UST: variants seen among roughly 807,000 people sequenced by gnomAD.
The protein encoded by UST is chondroitin sulfate 2-O-sulfotransferase.
In UST, 21 loss-of-function variants were observed where a neutral mutation model predicts 45.6. The ratio of observed to expected loss-of-function variants is 0.46; its 90% confidence interval spans 0.33 to 0.66. The LOEUF (loss-of-function observed/expected upper bound fraction) is 0.66. Among genes scored for constraint, UST ranks in the 30% least tolerant of loss-of-function variants. UST has a pLI of 0.02. For missense variants in UST, 463 were observed against 512.4 expected, an observed-to-expected ratio of 0.90 and a Z score of 0.93; for synonymous variants, 215 against 200.6, an observed-to-expected ratio of 1.07 and a Z score of -0.61.
chr6:148,985,387 A>AAAC (rs140686403), intron 5 of UST, among the ~76,000 whole-genome samples: 19 of 151,586 alleles, frequency 1.3e-4, no homozygotes, highest in Admixed American at 3.3e-4. Context: ...CTTTGAAGCA[A>AAAC]AACAACAACA....
At chr6:149,027,380 T>C (rs1776065034) in intron 7 of UST, among the ~76,000 whole-genome samples, 1 of 152,234 alleles carries the variant, frequency 6.6e-6, no homozygotes, top group East Asian at 1.9e-4. Context: ...TCTAGTTCTT[T>C]GTCTGCCATG....
chr6:149,040,860 T>C (rs1171454850), intron 7 of UST, among the ~76,000 whole-genome samples: 1 of 152,104 alleles, frequency 6.6e-6, no homozygotes, highest in Non-Finnish European at 1.5e-5. Flanking sequence ...TCTGTTTCCA[T>C]GATCTGAATG....
At chr6:149,000,112 AG>A (rs1276869064) in intron 5 of UST, among the ~76,000 whole-genome samples, 1 of 152,218 alleles carries the variant, frequency 6.6e-6, no homozygotes, top group African/African-American at 2.4e-5. Context: ...CAAGAGGGCC[AG>A]ACCAGGCTCA....
chr6:149,032,715 T>G (rs9498195), intron 7 of UST: 5,189 of 152,650 alleles, frequency 0.034, 280 homozygotes, highest in African/African-American at 0.12. Flanking sequence ...GTCCCAACCT[T>G]GGCCTCGGGA....
At chr6:149,073,251 A>G (rs539662551) in intron 7 of UST, among the ~76,000 whole-genome samples, 130 of 152,382 alleles carry the variant, frequency 8.5e-4, no homozygotes, top group Non-Finnish European at 1.5e-3. Context: ...GTCTGGGTAC[A>G]TGGTGAGAAC....
chr6:148,827,170 G>A (rs1328490190), intron 1 of UST, among the ~76,000 whole-genome samples: 2 of 152,140 alleles, frequency 1.3e-5, no homozygotes, highest in African/African-American at 4.8e-5. Context: ...ACTCACTTTG[G>A]GGTACGCTGG....
intron 1 of UST, among the ~76,000 whole-genome samples, chr6:148,847,145 A>G (rs920495012): frequency 8.5e-5 from 13 of 152,272 alleles, no homozygotes; most frequent in African/African-American, 2.9e-4. Context: ...TAACAATATG[A>G]GAAGGCACTT....
At chr6:149,021,062 G>T (rs879298465) in intron 6 of UST, among the ~76,000 whole-genome samples, 1 of 152,180 alleles carries the variant, frequency 6.6e-6, no homozygotes, top group African/African-American at 2.4e-5. Flanking sequence ...ACAATACTTA[G>T]GCAGGGCCTC....
chr6:148,769,536 T>C (rs1776379684), intron 1 of UST, among the ~76,000 whole-genome samples: 1 of 152,244 alleles, frequency 6.6e-6, no homozygotes, highest in African/African-American at 2.4e-5. Context: ...TCTCTGAGTC[T>C]CTGTTGGAAC....
chr6:148,748,198 T>A lies in UST; in HGVS notation c.247+521T>A, dbSNP rs1319922395. On this transcript the variant is annotated intron_variant, in intron 1 of 7. Transcript: ENST00000367463. The surrounding 1 kb of genome is among the most constrained non-coding windows in gnomAD (Gnocchi z 5.3). ...TCCCCCGCCTGCCCGCCGGCCCTAG[T>A]GGCTCCGCGCTGTCCCCGGGCTGGC... Among the ~76,000 whole-genome samples the A allele has an allele frequency of 1.3e-5, 2 of 152,086 alleles. No homozygotes were observed. The highest frequency in any genetic ancestry group is 4.8e-5 in the African/African-American group (2 of 41,412).
intron 1 of UST, among the ~76,000 whole-genome samples, chr6:148,772,378 G>A (rs1582801351): frequency 1.3e-5 from 2 of 151,768 alleles, no homozygotes; most frequent in East Asian, 3.9e-4. Flanking sequence ...AGCCTGCTTG[G>A]GGTTGGCTGG....
intron 5 of UST, among the ~76,000 whole-genome samples, chr6:149,000,541 A>ATG (rs1254283872): frequency 6.6e-6 from 1 of 152,168 alleles, no homozygotes; most frequent in African/African-American, 2.4e-5. Flanking sequence ...ATGAGCCTAC[A>ATG]GACCATACAT....
At chr6:148,956,798 T>G (rs1562312218) in intron 4 of UST, among the ~76,000 whole-genome samples, 1 of 152,212 alleles carries the variant, frequency 6.6e-6, no homozygotes, top group East Asian at 1.9e-4. Flanking sequence ...AACTGGGACT[T>G]CTGCAGTCAA....
intron 1 of UST, among the ~76,000 whole-genome samples, chr6:148,808,719 AATGTC>A (rs1562264121): frequency 2.0e-5 from 3 of 152,126 alleles, no homozygotes; most frequent in Admixed American, 2.0e-4. Context: ...TTCAGCCCCC[AATGTC>A]ATGGTATTTG....
At chr6:148,915,615 G>A (rs992870146) in intron 2 of UST, among the ~76,000 whole-genome samples, 69 of 152,280 alleles carry the variant, frequency 4.5e-4, no homozygotes, top group Middle Eastern at 6.8e-3. Flanking sequence ...AAGACTTTGG[G>A]CAGCCACAAA....
chr6:149,020,286 C>T (rs1348476695), intron 6 of UST, among the ~76,000 whole-genome samples: 1 of 152,180 alleles, frequency 6.6e-6, no homozygotes, highest in Non-Finnish European at 1.5e-5. Flanking sequence ...CATAAGCCCC[C>T]TGAGTCCAGG....
At chr6:148,838,736 C>G (rs1354149244) in intron 1 of UST, among the ~76,000 whole-genome samples, 1 of 152,016 alleles carries the variant, frequency 6.6e-6, no homozygotes, top group East Asian at 1.9e-4. Context: ...TCACCCCTGT[C>G]TCTACAGAAT....
At chr6:148,818,032 C>T (rs1777388067) in intron 1 of UST, among the ~76,000 whole-genome samples, 1 of 152,184 alleles carries the variant, frequency 6.6e-6, no homozygotes, top group South Asian at 2.1e-4. Flanking sequence ...TGCCAACCAC[C>T]TGCTAAAGGA....
At chr6:148,919,427 T>TGTGTGTGTGC (rs1554226428) in intron 2 of UST, among the ~76,000 whole-genome samples, 1 of 151,898 alleles carries the variant, frequency 6.6e-6, no homozygotes, top group African/African-American at 2.4e-5. Flanking sequence ...CGTGTGTGTG[T>TGTGTGTGTGC]GTGTGTGTGT....
Sources: allele counts gnomAD v4.1 joint callset (sites outside exome capture counted in the v4.1 genomes callset), GRCh38; gene constraint gnomAD v4.1.1; non-coding constraint Gnocchi (gnomAD v3.1); transcripts MANE v1.5; gene names NCBI Gene and HGNC (gene_info 2026-07-23, HGNC 2026-07-21).